HPSE2: variants seen among roughly 807,000 people sequenced by gnomAD.
HPSE2 encodes heparanase 2 (inactive), also known as inactive heparanase-2.
In HPSE2, 38 loss-of-function variants were observed where a neutral mutation model predicts 60.5. The ratio of observed to expected loss-of-function variants is 0.63; its 90% confidence interval spans 0.48 to 0.82. HPSE2 has a LOEUF of 0.82. Among genes scored for constraint, HPSE2 ranks in the 40% least tolerant of loss-of-function variants. The probability of loss-of-function intolerance (pLI) is 0.00; values close to 1 mark genes in which losing one functional copy is unlikely to be tolerated. For synonymous variants in HPSE2, 295 were observed against 293.2 expected (o/e 1.01, Z -0.06); for missense variants, 713 against 740.4 (o/e 0.96, Z 0.43).
the HPSE2 span, among the ~76,000 whole-genome samples, chr10:99,265,956 A>C: frequency 2.6e-5 from 4 of 152,322 alleles, no homozygotes; most frequent in South Asian, 2.1e-4. Context: ...GGGGTAGAAG[A>C]AGCAGCAAGA....
intron 1 of HPSE2, 88 bp from the exon 2 acceptor site, chr10:99,232,593 T>A: frequency 7.1e-7 from 1 of 1,412,932 alleles, no homozygotes; most frequent in Non-Finnish European, 9.8e-7. Flanking sequence ...TCCTACTCCC[T>A]GAGGGCGACC....
At chr10:99,254,326 T>C in the HPSE2 span, among the ~76,000 whole-genome samples, 2 of 152,188 alleles carry the variant, frequency 1.3e-5, no homozygotes, top group Non-Finnish European at 2.9e-5. Context: ...TTCTCACTTC[T>C]AAGTGGGAGA....
At chr10:99,114,293 G>C (rs1308904378) in intron 3 of HPSE2, among the ~76,000 whole-genome samples, 2 of 152,150 alleles carry the variant, frequency 1.3e-5, no homozygotes, top group African/African-American at 4.8e-5. Context: ...GGAAAGAGCT[G>C]TCTGCATTTA....
chr10:98,803,435 T>C, intron 3 of HPSE2, among the ~76,000 whole-genome samples: 1 of 151,278 alleles, frequency 6.6e-6, no homozygotes, highest in Non-Finnish European at 1.5e-5. Flanking sequence ...GGTTTTCTTC[T>C]AGGGTTTTTA....
intron 7 of HPSE2, among the ~76,000 whole-genome samples, chr10:98,623,196 G>A (rs1400498846): frequency 6.6e-6 from 1 of 152,142 alleles, no homozygotes; most frequent in Non-Finnish European, 1.5e-5. Context: ...AAAACATTAA[G>A]CTAAGTGAAA....
chr10:98,921,134 T>C (rs942236237), intron 3 of HPSE2, among the ~76,000 whole-genome samples: 5 of 152,264 alleles, frequency 3.3e-5, no homozygotes, highest in East Asian at 3.9e-4. Context: ...CATTCTCTCA[T>C]ATGTAAACTG....
At chr10:98,655,841 A>G (rs1565052989) in intron 6 of HPSE2, among the ~76,000 whole-genome samples, 1 of 152,252 alleles carries the variant, frequency 6.6e-6, no homozygotes, top group East Asian at 1.9e-4. Context: ...CACATGTGTC[A>G]TTTTGATCAA....
chr10:98,630,191 T>G (rs1946324330), intron 7 of HPSE2, among the ~76,000 whole-genome samples: 2 of 149,656 alleles, frequency 1.3e-5, no homozygotes, highest in African/African-American at 2.5e-5. Context: ...TCGTTTTTTT[T>G]TTTGTTTTTT....
At chr10:98,945,045 G>A (rs568480558) in intron 3 of HPSE2, among the ~76,000 whole-genome samples, 51 of 152,068 alleles carry the variant, frequency 3.4e-4, no homozygotes, top group Non-Finnish European at 5.9e-4. Flanking sequence ...ATTCACTTAG[G>A]TGCAAATTCA....
chr10:98,502,797 T>G (rs1270063164), intron 9 of HPSE2, among the ~76,000 whole-genome samples: 9 of 152,106 alleles, frequency 5.9e-5, no homozygotes, highest in Non-Finnish European at 1.3e-4. Flanking sequence ...GTATCCAGAA[T>G]CTACAACGAA....
At chr10:98,741,479 T>G (rs953573650) in intron 4 of HPSE2, among the ~76,000 whole-genome samples, 1 of 152,078 alleles carries the variant, frequency 6.6e-6, no homozygotes, top group African/African-American at 2.4e-5. Context: ...GGCAAGTTCT[T>G]ACTTGTCTGG....
chr10:98,954,978 T>TTATATATATA (rs5787317), intron 3 of HPSE2, among the ~76,000 whole-genome samples: 2 of 145,318 alleles, frequency 1.4e-5, no homozygotes, highest in Admixed American at 6.9e-5. Context: ...ATATACATAT[T>TTATATATATA]TATATATATA....
At chr10:98,641,548 C>G (rs1277383647) in intron 7 of HPSE2, among the ~76,000 whole-genome samples, 2 of 151,820 alleles carry the variant, frequency 1.3e-5, no homozygotes, top group African/African-American at 4.8e-5. Flanking sequence ...GATCATGCCA[C>G]TGCACTCCAG....
chr10:98,664,748 G>T (rs990010143), intron 6 of HPSE2, among the ~76,000 whole-genome samples: 1 of 152,178 alleles, frequency 6.6e-6, no homozygotes, highest in African/African-American at 2.4e-5. Flanking sequence ...TAAAGATCTT[G>T]TTAAGAGCCT....
chr10:98,829,771 T>G (rs1213839943), intron 3 of HPSE2, among the ~76,000 whole-genome samples: 2 of 152,240 alleles, frequency 1.3e-5, no homozygotes, highest in African/African-American at 4.8e-5. Flanking sequence ...ATTTTCAAAG[T>G]GATTTTTCAA....
At chr10:98,790,680 G>C (rs557023690) in intron 3 of HPSE2, among the ~76,000 whole-genome samples, 55 of 152,294 alleles carry the variant, frequency 3.6e-4, no homozygotes, top group African/African-American at 1.3e-3. Flanking sequence ...TGATGGATAT[G>C]TTAGCTTTAC....
chr10:98,805,831 A>C (rs1262411729), intron 3 of HPSE2, among the ~76,000 whole-genome samples: 1 of 152,168 alleles, frequency 6.6e-6, no homozygotes, highest in Non-Finnish European at 1.5e-5. Flanking sequence ...TTTTCTTCCA[A>C]GTATAGTGTA....
chr10:99,205,163 G>A (rs773242659), intron 2 of HPSE2, among the ~76,000 whole-genome samples: 3 of 152,126 alleles, frequency 2.0e-5, no homozygotes, highest in Non-Finnish European at 2.9e-5. Flanking sequence ...TGGGTACTGG[G>A]TATTCTAGAA....
the HPSE2 span, among the ~76,000 whole-genome samples, chr10:99,270,708 C>T: frequency 5.9e-5 from 9 of 152,124 alleles, no homozygotes; most frequent in African/African-American, 2.2e-4. Flanking sequence ...ACCAATATCC[C>T]TGATGAACAC....
Sources: gnomAD v4.1 joint callset for allele counts (sites outside exome capture counted in the v4.1 genomes callset) on GRCh38, gnomAD v4.1.1 for gene constraint, MANE v1.5 for transcripts, NCBI Gene and HGNC (gene_info 2026-07-23, HGNC 2026-07-21) for gene names.